SLC23A2: variants seen among roughly 807,000 people sequenced by gnomAD.
The protein encoded by SLC23A2 is solute carrier family 23 member 2.
Under a neutral mutation model 73.3 loss-of-function variants are expected in SLC23A2, and 36 were observed. The ratio of observed to expected loss-of-function variants is 0.49; its 90% CI spans 0.38 to 0.65. SLC23A2 has a LOEUF of 0.65. Ranked by LOEUF, SLC23A2 falls within the 30% of genes least tolerant of loss-of-function variation. The probability of loss-of-function intolerance (pLI) is 0.00; values close to 1 mark genes in which losing one functional copy is unlikely to be tolerated. For missense variants in SLC23A2, 507 were observed against 841.6 expected (o/e 0.60, Z 4.92); for synonymous variants, 343 against 327.3 (o/e 1.05, Z -0.52).
At chr20:4,954,698 CAAAA>C (rs200579910) in intron 2 of SLC23A2, among the ~76,000 whole-genome samples, 2 of 55,118 alleles carry the variant, frequency 3.6e-5, no homozygotes, top group African/African-American at 1.1e-4. Flanking sequence ...GACTCCATCA[CAAAA>C]AAAAAAAAAA....
At chr20:4,888,297 C>T (rs866833192) in intron 6 of SLC23A2, among the ~76,000 whole-genome samples, 55 of 152,184 alleles carry the variant, frequency 3.6e-4, no homozygotes, top group African/African-American at 1.0e-3. Flanking sequence ...CACGCTATCA[C>T]GGTGGAGCTC....
chr20:4,912,169 C>G (rs1250442439), intron 4 of SLC23A2, among the ~76,000 whole-genome samples: 1 of 151,864 alleles, frequency 6.6e-6, no homozygotes, highest in Non-Finnish European at 1.5e-5. Context: ...GCAACTTTAT[C>G]CTGACCTCTA....
Position 4,899,486 on chromosome 20 carries a change from AGCTCAATGCCTTCTGC to A in SLC23A2, c.482+53_482+68del, listed in dbSNP as rs3831355. 0.81 allele frequency: 1,281,763 copies of A among 1,576,668 alleles called. 522,977 individuals are homozygous for A. Among genetic ancestry groups the A allele is most frequent in the Non-Finnish European group, 0.82 (943,506 of 1,148,988 alleles). ...GCCAACAGCCCTAGGCAAACGGCGC[AGCTCAATGCCTTCTGC>A]GCTCAATGCCTTCTGGGGGCTTTGG... is the stretch of plus-strand genomic sequence containing the variant. On this transcript the variant is annotated intron_variant, in intron 6 of 16. Coordinates refer to ENST00000338244, the MANE Select transcript of SLC23A2 (RefSeq NM_005116.6). This position sits in a 1 kb window ranked among gnomAD's most constrained non-coding sequence, Gnocchi z 4.9.
intron 1 of SLC23A2, among the ~76,000 whole-genome samples, chr20:4,974,042 G>C (rs536324334): frequency 6.6e-6 from 1 of 152,160 alleles, no homozygotes; most frequent in Non-Finnish European, 1.5e-5. Context: ...AAAAAGGGAT[G>C]TTAACTCTTC....
intron 7 of SLC23A2, among the ~76,000 whole-genome samples, chr20:4,885,565 T>C (rs1326317715): frequency 6.6e-6 from 1 of 152,234 alleles, no homozygotes; most frequent in African/African-American, 2.4e-5. Flanking sequence ...GTTCCCATAT[T>C]TGTCAATTTC....
chr20:4,894,553 C>T (rs1481262271), intron 6 of SLC23A2, among the ~76,000 whole-genome samples: 2 of 152,226 alleles, frequency 1.3e-5, no homozygotes, highest in African/African-American at 2.4e-5. Flanking sequence ...AATCGGCCTC[C>T]TGTTCTTACT....
chr20:4,906,850 G>A (rs1319193600), intron 4 of SLC23A2, among the ~76,000 whole-genome samples: 3 of 152,034 alleles, frequency 2.0e-5, no homozygotes, highest in African/African-American at 7.2e-5. Flanking sequence ...TTTTAATATG[G>A]AAATTGTTTG....
At chr20:4,989,429 C>T (rs183155654) in intron 1 of SLC23A2, among the ~76,000 whole-genome samples, 1 of 152,018 alleles carries the variant, frequency 6.6e-6, no homozygotes, top group East Asian at 1.9e-4. Flanking sequence ...GAGAATGGGA[C>T]CGAAGTCTGA....
intron 2 of SLC23A2, among the ~76,000 whole-genome samples, chr20:4,964,108 G>A (rs1430965231): frequency 1.3e-5 from 2 of 151,660 alleles, no homozygotes; most frequent in Non-Finnish European, 2.9e-5. Flanking sequence ...CCTGGGCTCA[G>A]GTGATCCTCC....
chr20:4,983,986 G>A (rs1238290743), intron 1 of SLC23A2, among the ~76,000 whole-genome samples: 1 of 151,350 alleles, frequency 6.6e-6, no homozygotes, highest in Non-Finnish European at 1.5e-5. Context: ...CAGCAAGAAA[G>A]TGAAAAAGAA....
At chr20:4,955,632 T>C (rs2087275106) in intron 2 of SLC23A2, among the ~76,000 whole-genome samples, 1 of 151,736 alleles carries the variant, frequency 6.6e-6, no homozygotes, top group African/African-American at 2.4e-5. Flanking sequence ...CTACAAAAAA[T>C]ACAAAAAAAT....
rs1290130094 is a variant in SLC23A2, at chr20:4,856,923, A to G, written c.*49T>C. ...TTTACTTCTTGTTACTCAGCAAGGA[A>G]CTACAGATACATGCCTCACTGCGGC... On this transcript the variant is annotated 3_prime_UTR_variant, in exon 17 of 17. Coordinates refer to ENST00000338244, the MANE Select transcript of SLC23A2 (RefSeq NM_005116.6). This position sits in a 1 kb window ranked among gnomAD's most constrained non-coding sequence, Gnocchi z 4.6. 8.5e-7 allele frequency: 1 copy of G among 1,180,994 alleles called. No homozygotes were observed. 73.2% of individuals were successfully genotyped at this position (1,180,994 alleles called of 1,614,324 possible). A position where few individuals can be genotyped will look rare whatever the true frequency, so the allele number is the denominator to read the frequency against.
intron 1 of SLC23A2, among the ~76,000 whole-genome samples, chr20:4,996,387 T>C (rs2088020343): frequency 6.6e-6 from 1 of 151,750 alleles, no homozygotes; most frequent in African/African-American, 2.4e-5. Flanking sequence ...AACTCATGAG[T>C]GGGCAAAACT....
chr20:4,892,357 C>T (rs1282345852), intron 6 of SLC23A2, among the ~76,000 whole-genome samples: 2 of 152,066 alleles, frequency 1.3e-5, no homozygotes, highest in East Asian at 3.9e-4. Context: ...CAGCTAATTT[C>T]TGTACTTTTA....
At position 4,902,481 on chromosome 20, in the gene SLC23A2, A is replaced by G. The variant is rs900143380; in HGVS notation, c.285T>C (p.Asp95=). 6.2e-7 allele frequency: 1 copy of G among 1,612,278 alleles called. No individual in the cohort carries two copies. The highest frequency in any genetic ancestry group is 8.5e-7 in the Non-Finnish European group (1 of 1,178,748). The change falls in exon 5 of 17, where the codon GAT becomes GAC. Residue 95 remains aspartate, a synonymous_variant. Coordinates refer to ENST00000338244, the MANE Select transcript of SLC23A2 (RefSeq NM_005116.6). The surrounding 1 kb of genome is among the most constrained non-coding windows in gnomAD (Gnocchi z 4.0). The stretch of plus-strand genomic sequence containing the variant: ...ATATACACAGGTACCAGGGAGGAAC[A>G]TCTTCTATGGTATAAATCATGTCTG... ...QRSDMIYTIE[D]VPPWYLCIFL...
intron 6 of SLC23A2, among the ~76,000 whole-genome samples, chr20:4,897,383 G>A (rs562901227): frequency 4.7e-4 from 71 of 152,318 alleles, no homozygotes; most frequent in Middle Eastern, 6.8e-3. Context: ...AAGCAGGGGT[G>A]GGGCTGCCAT....
intron 1 of SLC23A2, among the ~76,000 whole-genome samples, chr20:4,977,378 TA>T (rs984404737): frequency 1.1e-4 from 16 of 152,142 alleles, no homozygotes; most frequent in East Asian, 3.9e-4. Flanking sequence ...GTATTATTAT[TA>T]TTTTTTTTTA....
chr20:4,862,216 G>C lies in SLC23A2; in HGVS notation c.1487-131C>G, dbSNP rs375080614. 543 of 887,204 alleles carry C rather than the reference G, an allele frequency of 6.1e-4. 8 individuals are homozygous for C. In the East Asian group the frequency reaches 7.6e-3, roughly 12 times the overall value. The allele number at this position is 887,204 out of a possible 1,614,324, so 55.0% of individuals were successfully genotyped here. On this transcript the variant is annotated intron_variant, in intron 14 of 16. Coordinates refer to ENST00000338244, the MANE Select transcript of SLC23A2 (RefSeq NM_005116.6). The surrounding 1 kb of genome is among the most constrained non-coding windows in gnomAD (Gnocchi z 5.1). ...ACCAATGAGACCAGTGCAGGGACAG[G>C]AAGGGGGACGTGTGGGGTCAGACTG...
At position 4,880,423 on chromosome 20, in the gene SLC23A2, C is replaced by T. The variant is rs1015234373; in HGVS notation, c.824+3219G>A. Among the ~76,000 whole-genome samples the T allele has an allele frequency of 2.6e-5, 4 of 152,062 alleles. No homozygotes were observed. In the South Asian group the frequency reaches 8.3e-4, roughly 32 times the overall value. ...AGCACCAGCTCAGCCACGGGAGGGG[C>T]AGGTGCTGGGGGTGCAGAGGTGACC... On this transcript the variant is annotated intron_variant, in intron 9 of 16. Coordinates refer to ENST00000338244, the MANE Select transcript of SLC23A2 (RefSeq NM_005116.6).
Sources: allele counts gnomAD v4.1 joint callset (sites outside exome capture counted in the v4.1 genomes callset), GRCh38; gene constraint gnomAD v4.1.1; non-coding constraint Gnocchi (gnomAD v3.1); transcripts MANE v1.5; gene names NCBI Gene and HGNC (gene_info 2026-07-23, HGNC 2026-07-21).